MMP9: variants seen among roughly 807,000 people sequenced by gnomAD.
MMP9 encodes matrix metalloproteinase-9.
Under a neutral mutation model 76.4 loss-of-function variants are expected in MMP9, and 73 were observed. The ratio of observed to expected loss-of-function variants is 0.96; its 90% confidence interval spans 0.79 to 1.16. The LOEUF is 1.16. Ranked by LOEUF, MMP9 falls within the 50% of genes most tolerant of loss-of-function variation. The probability of loss-of-function intolerance (pLI) is 0.00; values close to 1 mark genes in which losing one functional copy is unlikely to be tolerated. For missense variants in MMP9, 943 were observed against 973.0 expected (o/e 0.97, Z 0.41); for synonymous variants, 412 against 408.4 (o/e 1.01, Z -0.11).
Position 46,013,946 on chromosome 20 carries a change from G to T in MMP9, c.1750+150G>T. 7.1e-7 allele frequency: 1 copy of T among 1,401,644 alleles called. No homozygotes were observed. The highest frequency in any genetic ancestry group is 9.7e-7 in the Non-Finnish European group (1 of 1,031,500). 86.8% of individuals were successfully genotyped at this position (1,401,644 alleles called of 1,614,324 possible). A position where few individuals can be genotyped will look rare whatever the true frequency, so the allele number is the denominator to read the frequency against. ...GTTTAGCAAACGTAGGGGCGGCTGA[G>T]TTTCTGCCCCCTCCTCTCCACGCCC... On this transcript the variant is annotated intron_variant, in intron 10 of 12. Transcript: ENST00000372330. This position sits in a 1 kb window ranked among gnomAD's most constrained non-coding sequence, Gnocchi z 4.5.
At chr20:46,014,073 G>C in intron 10 of MMP9, 51 bp from the exon 11 acceptor site, 1 of 1,533,460 alleles carries the variant, frequency 6.5e-7, no homozygotes, top group Non-Finnish European at 8.7e-7. Context: ...CGTTCTAGGA[G>C]TACGTGCTCC....
At chr20:46,009,507 CTGGGCA>C (rs1307685545) in intron 1 of MMP9, among the ~76,000 whole-genome samples, 1 of 152,076 alleles carries the variant, frequency 6.6e-6, no homozygotes, top group Non-Finnish European at 1.5e-5. Context: ...TTAGTCCCTG[CTGGGCA>C]TGACGGCTCA....
chr20:46,012,338 G>A (rs763839570), intron 7 of MMP9, 25 bp downstream of exon 7: 1 of 1,612,530 alleles, frequency 6.2e-7, no homozygotes, highest in Non-Finnish European at 8.5e-7. Flanking sequence ...GCGGCTCCGG[G>A]GCTGGGGTTC....
Position 46,013,908 on chromosome 20 carries a change from C to A in MMP9, c.1750+112C>A. On this transcript the variant is annotated intron_variant, in intron 10 of 12. Coordinates refer to ENST00000372330, the MANE Select transcript of MMP9 (RefSeq NM_004994.3). The surrounding 1 kb of genome is among the most constrained non-coding windows in gnomAD (Gnocchi z 4.5). The stretch of plus-strand genomic sequence containing the variant: ...TTGTGCGTTTTAGAAAAATACGCCC[C>A]CTGGCGGACGCAGTTTAGCAAACGT... 1 of 1,498,928 alleles carries A rather than the reference C, an allele frequency of 6.7e-7. No homozygotes were observed. Among genetic ancestry groups the A allele is most frequent in the Non-Finnish European group, 9.1e-7 (1 of 1,102,822 alleles). 92.9% of individuals were successfully genotyped at this position (1,498,928 alleles called of 1,614,324 possible).
rs746419143 is a variant in MMP9, at chr20:46,011,232, G to A, written c.739G>A (p.Asp247Asn). 3.7e-6 allele frequency: 6 copies of A among 1,613,768 alleles called. No individual in the cohort carries two copies. Among genetic ancestry groups the A allele is most frequent in the East Asian group, 2.2e-5 (1 of 44,882 alleles). Residue 247 changes from aspartate (D) to asparagine (N), a missense_variant, in exon 5 of 13, where the codon GAC (aspartate) becomes AAC (asparagine). Asp to Asn is a conservative substitution (Grantham distance 23, BLOSUM62 1). Transcript: ENST00000372330. ...EGRSYSACTT[D>N]GRSDGLPWCS... ...CCGCTCCTACTCTGCCTGCACCACC[G>A]ACGGTCGCTCCGACGGCTTGCCCTG...
intron 6 of MMP9, 150 bp downstream of exon 6, chr20:46,011,897 C>T (rs953193756): frequency 1.8e-6 from 2 of 1,112,320 alleles, no homozygotes; most frequent in Admixed American, 2.0e-5. Context: ...CACATTTCCA[C>T]CACTATCCCT....
At position 46,013,716 on chromosome 20, in the gene MMP9, C is replaced by A. The variant is rs771415685; in HGVS notation, c.1670C>A (p.Ala557Asp). The change falls in exon 10 of 13, where the codon GCC (alanine) becomes GAC (aspartate). Residue 557 changes from alanine to aspartate, a missense_variant. Ala to Asp is a moderately radical substitution (Grantham distance 126). Transcript: ENST00000372330. This position sits in a 1 kb window ranked among gnomAD's most constrained non-coding sequence, Gnocchi z 4.5. ...CGGCCGCAGGGCCCCTTCCTTATCG[C>A]CGACAAGTGGCCCGCGCTGCCCCGC... ...GSRPQGPFLI[A>D]DKWPALPRKL... 6.2e-7 allele frequency: 1 copy of A among 1,613,826 alleles called. No homozygotes were observed. The highest frequency in any genetic ancestry group is 8.5e-7 in the Non-Finnish European group (1 of 1,179,952).
At position 46,009,040 on chromosome 20, in the gene MMP9, T is replaced by A. The variant is rs761037128; in HGVS notation, c.114T>A (p.Asn38Lys). ...LVLFPGDLRT[N>K]LTDRQLAEEY... is the part of the protein sequence containing the mutation. Reference sequence around the variant, plus strand: ...TCTTCCCTGGAGACCTGAGAACCAATCTCACCGACAGGCAGCTGGCAGAGG... The same window carrying A: ...TCTTCCCTGGAGACCTGAGAACCAAACTCACCGACAGGCAGCTGGCAGAGG... The change falls in exon 1 of 13, where the codon AAT (asparagine) becomes AAA (lysine). Residue 38 changes from asparagine (N) to lysine (K), a missense_variant. By Grantham distance (94) the Asn-to-Lys change is moderately conservative (BLOSUM62 0). Transcript: ENST00000372330. 15 of 1,613,774 alleles carry A rather than the reference T, an allele frequency of 9.3e-6. No homozygotes were observed. The highest frequency in any genetic ancestry group is 5.0e-5 in the Admixed American group (3 of 59,972).
chr20:46,010,337 A>AAAAAAAAAAAAAAAAC (rs1272580918), intron 2 of MMP9, 146 bp from the exon 3 acceptor site: 3 of 898,362 alleles, frequency 3.3e-6, no homozygotes, highest in Non-Finnish European at 5.1e-6. Flanking sequence ...AAAAAAAAAA[A>AAAAAAAAAAAAAAAAC]AAAACAGTCT....
At chr20:46,010,676 A>G in intron 3 of MMP9, 45 bp downstream of exon 3, 11 of 1,587,060 alleles carry the variant, frequency 6.9e-6, no homozygotes, top group Non-Finnish European at 8.6e-6. Context: ...GGGCGGGGTC[A>G]GGGAAGGGAG....
At chr20:46,010,854 C>G in intron 3 of MMP9, 68 bp from the exon 4 acceptor site, 1 of 1,613,370 alleles carries the variant, frequency 6.2e-7, no homozygotes, top group Admixed American at 1.7e-5. Flanking sequence ...GGAGCCCTTG[C>G]CTTGGGCAGC....
chr20:46,009,585 G>A (rs1568846195), intron 1 of MMP9, among the ~76,000 whole-genome samples: 1 of 152,030 alleles, frequency 6.6e-6, no homozygotes, highest in Non-Finnish European at 1.5e-5. Context: ...TCAGGAGTTT[G>A]AGCCCAGCCT....
At position 46,010,940 on chromosome 20, in the gene MMP9, C is replaced by A; in HGVS notation, c.539C>A (p.Pro180His). ...TCTTCAGAGCACGGAGACGGGTATC[C>A]CTTCGACGGGAAGGACGGGCTCCTG... ...FGVAEHGDGY[P>H]FDGKDGLLAH... Residue 180 changes from proline to histidine, a missense_variant, in exon 4 of 13, where the codon CCC (proline) becomes CAC (histidine). By Grantham distance (77) the Pro-to-His change is moderately conservative (BLOSUM62 -2). Coordinates refer to ENST00000372330, the MANE Select transcript of MMP9 (RefSeq NM_004994.3). The A allele has an allele frequency of 1.2e-6, 2 of 1,614,246 alleles. No homozygotes were observed. The highest frequency in any genetic ancestry group is 1.7e-6 in the Non-Finnish European group (2 of 1,180,044).
At chr20:46,015,889 CA>C (rs1312155593) in intron 12 of MMP9, among the ~76,000 whole-genome samples, 3 of 152,230 alleles carry the variant, frequency 2.0e-5, no homozygotes, top group Non-Finnish European at 2.9e-5. Context: ...TTGAACAAAG[CA>C]CATAGTAGAT....
chr20:46,010,796 A>G, intron 3 of MMP9, 126 bp from the exon 4 acceptor site: 6 of 1,574,994 alleles, frequency 3.8e-6, no homozygotes, highest in Non-Finnish European at 5.2e-6. Context: ...CCAGGGCGCC[A>G]GGCTGGGAGA....
rs1440345367 is a variant in MMP9 at position 46,014,124 on chromosome 20, G to A, written c.1751G>A (p.Gly584Glu). Residue 584 changes from glycine to glutamate, a missense_variant and splice_region_variant, in exon 11 of 13, where the codon GGG (glycine) becomes GAG (glutamate). Transcript: ENST00000372330. Reference sequence around the variant, plus strand: ...CCGACGTGACCCTCCTCCCCTGCAGGGCGCCAGGTGTGGGTGTACACAGGC... The same window carrying A: ...CCGACGTGACCCTCCTCCCCTGCAGAGCGCCAGGTGTGGGTGTACACAGGC... ...RLSKKLFFFS[G>E]RQVWVYTGAS... 6.5e-7 allele frequency: 1 copy of A among 1,535,008 alleles called. No individual in the cohort carries two copies. The highest frequency in any genetic ancestry group is 2.0e-5 in the Admixed American group (1 of 51,000).
chr20:46,015,741 G>C (rs3918266), intron 12 of MMP9, among the ~76,000 whole-genome samples: 8,548 of 152,138 alleles, frequency 0.056, 766 homozygotes, highest in African/African-American at 0.19. Flanking sequence ...ATGAGCCACC[G>C]CACCCAGCCG....
chr20:46,010,887 C>T (rs562546214), intron 3 of MMP9, 35 bp from the exon 4 acceptor site: 2 of 1,614,202 alleles, frequency 1.2e-6, no homozygotes, highest in Non-Finnish European at 1.7e-6. Flanking sequence ...CAGCAGTACT[C>T]GGCTAACCCT....
chr20:46,012,177 G>T lies in MMP9; in HGVS notation c.1038G>T (p.Leu346=). 1 of 1,614,122 alleles carries T rather than the reference G, an allele frequency of 6.2e-7. No individual in the cohort carries two copies. The highest frequency in any genetic ancestry group is 1.3e-5 in the African/African-American group (1 of 75,078). The change falls in exon 7 of 13, where the codon CTG becomes CTT. Residue 346 remains leucine, a synonymous_variant. Coordinates refer to ENST00000372330, the MANE Select transcript of MMP9 (RefSeq NM_004994.3). ...TGGGGGGCAACTCGGCGGGGGAGCT[G>T]TGCGTCTTCCCCTTCACTTTCCTGG... ...TVMGGNSAGE[L]CVFPFTFLGK...
Sources: gnomAD v4.1 joint callset for allele counts (sites outside exome capture counted in the v4.1 genomes callset) on GRCh38, gnomAD v4.1.1 for gene constraint, Gnocchi (gnomAD v3.1) non-coding constraint, MANE v1.5 for transcripts, NCBI Gene and HGNC (gene_info 2026-07-23, HGNC 2026-07-21) for gene names.